EPSTI1: variants seen among roughly 807,000 people sequenced by gnomAD.
The protein encoded by EPSTI1 is epithelial stromal interaction 1.
Under a neutral mutation model 49.9 loss-of-function variants are expected in EPSTI1, and 66 were observed. That is an observed-to-expected ratio of 1.32 (90% CI 1.08 to 1.62). The LOEUF (loss-of-function observed/expected upper bound fraction) is 1.62, where lower values mean the gene tolerates loss of function less well. Ranked by LOEUF, EPSTI1 falls within the 40% of genes most tolerant of loss-of-function variation. EPSTI1 has a pLI of 0.00. For synonymous variants in EPSTI1, 137 were observed against 130.7 expected, an observed-to-expected ratio of 1.05 and a Z score of -0.33; for missense variants, 394 against 365.5, an observed-to-expected ratio of 1.08 and a Z score of -0.64.
chr13:42,971,309 T>C (rs1478668821), intron 1 of EPSTI1, among the ~76,000 whole-genome samples: 1 of 152,170 alleles, frequency 6.6e-6, no homozygotes, highest in Non-Finnish European at 1.5e-5. Context: ...TTGTGAGCTT[T>C]TGAGGGCAGA....
chr13:42,974,449 A>G (rs2153434171), intron 1 of EPSTI1, among the ~76,000 whole-genome samples: 1 of 152,260 alleles, frequency 6.6e-6, no homozygotes, highest in Admixed American at 6.5e-5. Flanking sequence ...CGAGGTCAGG[A>G]GATTGAGACC....
chr13:42,912,976 A>G (rs1210505250), intron 8 of EPSTI1, among the ~76,000 whole-genome samples: 1 of 152,126 alleles, frequency 6.6e-6, no homozygotes, highest in Non-Finnish European at 1.5e-5. Flanking sequence ...AATTAGGAAG[A>G]AAAAAGGAAA....
At position 42,895,092 on chromosome 13, in the gene EPSTI1, G is replaced by GA; in HGVS notation, c.831dup (p.Leu278SerfsTer24). On this transcript the variant is annotated frameshift_variant, in exon 10 of 11. Coordinates refer to ENST00000313624, the MANE Select transcript of EPSTI1 (RefSeq NM_033255.5). LOFTEE classifies it high-confidence loss of function. ...TGACTTTTGCCTTGGAGTCGGTCCA[G>GA]AAAAGCATTATTTACCCTTTAAAAC... 6.2e-7 allele frequency: 1 copy of GA among 1,612,826 alleles called. No individual in the cohort carries two copies. The highest frequency in any genetic ancestry group is 8.5e-7 in the Non-Finnish European group (1 of 1,179,388).
In EPSTI1 at chr13:42,992,094, G is replaced by C. The variant is rs1275531677; in HGVS notation, c.72C>G (p.Pro24=). 1 of 1,612,534 alleles carries C rather than the reference G, an allele frequency of 6.2e-7. No individual in the cohort carries two copies. ...CCCCTTGCCGCCCAGAAGGGTCCTG[G>C]GGATCCCGGGTCGGGCGGGAGGCAG... ...ASPASRPTRD[P]QDPSGRQGEL... is the part of the protein sequence containing the mutation. The change falls in exon 1 of 11, where the codon CCC becomes CCG. Residue 24 remains proline, a synonymous_variant. Coordinates refer to ENST00000313624, the MANE Select transcript of EPSTI1 (RefSeq NM_033255.5).
At chr13:42,938,485 T>C (rs1184541737) in intron 6 of EPSTI1, among the ~76,000 whole-genome samples, 2 of 152,114 alleles carry the variant, frequency 1.3e-5, no homozygotes, top group Non-Finnish European at 2.9e-5. Flanking sequence ...TGGCTTCAAC[T>C]TAAAGTCACC....
rs771486075 is a variant in EPSTI1 at position 42,970,633 on chromosome 13, G to A, written c.226C>T (p.Arg76Trp). The A allele has an allele frequency of 5.4e-5, 87 of 1,609,736 alleles. 2 individuals are homozygous for A. The South Asian group carries it at 6.9e-4, about 13-fold the overall frequency. The change falls in exon 2 of 11, where the codon CGG (arginine) becomes TGG (tryptophan). Residue 76 changes from arginine (R) to tryptophan (W), a missense_variant. Transcript: ENST00000313624. ...AYTLIAPNIN[R>W]RNEIQRIAEQ... ...ATACTTCTTTGTATCTCATTTCTCC[G>A]GTTTATATTTGGTGCTATCAAGGTG... is the stretch of plus-strand genomic sequence containing the variant.
At position 42,964,155 on chromosome 13, in the gene EPSTI1, T is replaced by G. The variant is rs201715995; in HGVS notation, c.332-16A>C. The G allele has an allele frequency of 6.2e-7, 1 of 1,603,652 alleles. No homozygotes were observed. The highest frequency in any genetic ancestry group is 1.4e-5 in the African/African-American group (1 of 73,868). On this transcript the variant is annotated splice_polypyrimidine_tract_variant and intron_variant, in intron 3 of 10. Coordinates refer to ENST00000313624, the MANE Select transcript of EPSTI1 (RefSeq NM_033255.5). ...TGGCTTCCACCTTAGGAAAAAAAAA[T>G]CCATGAAGGTGAAACATAAATATTA... is the stretch of plus-strand genomic sequence containing the variant.
chr13:42,902,320 T>A (rs1184454879), intron 8 of EPSTI1, among the ~76,000 whole-genome samples: 2 of 152,140 alleles, frequency 1.3e-5, no homozygotes, highest in African/African-American at 2.4e-5. Context: ...TCCTCCTGTT[T>A]TCAACTCTAG....
chr13:42,917,158 ACTTT>A (rs1409655971), intron 8 of EPSTI1, among the ~76,000 whole-genome samples: 3 of 152,116 alleles, frequency 2.0e-5, no homozygotes, highest in African/African-American at 7.2e-5. Context: ...TTGCATGCCT[ACTTT>A]CTTATGCATT....
Position 42,888,172 on chromosome 13 carries a change from T to C in EPSTI1, c.*322A>G, listed in dbSNP as rs2036916118. 13 of 1,517,164 alleles carry C rather than the reference T, an allele frequency of 8.6e-6. No homozygotes were observed. The South Asian group carries it at 1.4e-4, about 16-fold the overall frequency. The allele number at this position is 1,517,164 out of a possible 1,614,324, so 94.0% of individuals were successfully genotyped here. A position where few individuals can be genotyped will look rare whatever the true frequency, so the allele number is the denominator to read the frequency against. On this transcript the variant is annotated 3_prime_UTR_variant, in exon 11 of 11. Coordinates refer to ENST00000313624, the MANE Select transcript of EPSTI1 (RefSeq NM_033255.5). The stretch of plus-strand genomic sequence containing the variant: ...TAGAAAGACAAGCCTGTAGCACCCA[T>C]AGCTCTGATTAACCTGAAAGCATCA...
chr13:42,972,179 C>G (rs1469675334), intron 1 of EPSTI1, among the ~76,000 whole-genome samples: 1 of 152,178 alleles, frequency 6.6e-6, no homozygotes, highest in Non-Finnish European at 1.5e-5. Context: ...TCTTCAATGT[C>G]TGCTAACATT....
At chr13:42,989,767 G>T (rs1434605671) in intron 1 of EPSTI1, among the ~76,000 whole-genome samples, 3 of 151,112 alleles carry the variant, frequency 2.0e-5, no homozygotes, top group African/African-American at 7.3e-5. Flanking sequence ...CTAATTTTTT[G>T]TATTTTTAGT....
At chr13:42,930,346 C>T (rs977978183) in intron 6 of EPSTI1, among the ~76,000 whole-genome samples, 7 of 152,150 alleles carry the variant, frequency 4.6e-5, no homozygotes, top group East Asian at 1.9e-4. Context: ...GAGTCTCTGC[C>T]ATGTGTTTAG....
intron 1 of EPSTI1, among the ~76,000 whole-genome samples, chr13:42,988,424 T>C (rs2040122175): frequency 6.6e-6 from 1 of 152,136 alleles, no homozygotes; most frequent in Non-Finnish European, 1.5e-5. Flanking sequence ...ATAACTTAAA[T>C]CCAAATTCCA....
At position 42,917,638 on chromosome 13, in the gene EPSTI1, A is replaced by AATAC; in HGVS notation, c.658-15_658-14insGTAT. The stretch of plus-strand genomic sequence containing the variant: ...CCAGCTTCTGGCCTGTAAAGGTACA[A>AATAC]AGAGAAAAAAAAAAAAAAAAACAAC... On this transcript the variant is annotated splice_polypyrimidine_tract_variant and intron_variant, in intron 7 of 10. Coordinates refer to ENST00000313624, the MANE Select transcript of EPSTI1 (RefSeq NM_033255.5). The AATAC allele has an allele frequency of 2.0e-6, 2 of 990,226 alleles. No homozygotes were observed. The highest frequency in any genetic ancestry group is 2.9e-6 in the Non-Finnish European group (2 of 680,186). The allele number at this position is 990,226 out of a possible 1,614,324, so 61.3% of individuals were successfully genotyped here.
chr13:42,963,167 A>C (rs2153431168), intron 5 of EPSTI1, 88 bp downstream of exon 5: 1 of 1,085,938 alleles, frequency 9.2e-7, no homozygotes, highest in South Asian at 1.4e-5. Flanking sequence ...AAGATGGATA[A>C]ATTTTTAAAG....
chr13:42,984,735 A>G (rs556040671), intron 1 of EPSTI1, among the ~76,000 whole-genome samples: 2 of 152,374 alleles, frequency 1.3e-5, no homozygotes, highest in South Asian at 4.1e-4. Context: ...TTCTCCTTTT[A>G]TCTCCCTTGA....
intron 8 of EPSTI1, among the ~76,000 whole-genome samples, chr13:42,912,011 A>G (rs1421824707): frequency 1.3e-5 from 2 of 152,226 alleles, no homozygotes; most frequent in Non-Finnish European, 2.9e-5. Flanking sequence ...TCTGTCACCC[A>G]ATAGTTTATT....
rs1040893863 is a variant in EPSTI1, at chr13:42,955,568, G to A, written c.490-1547C>T. Among the ~76,000 whole-genome samples the A allele has an allele frequency of 4.6e-5, 7 of 152,146 alleles. No individual in the cohort carries two copies. In the South Asian group the frequency reaches 6.2e-4, roughly 14 times the overall value. ...TGTAATCCCAGATCTTTGGGAGGCCGAGGCGGGCGGATCATCTGAGGTCAG... is the reference window on the plus strand; with the variant it reads ...TGTAATCCCAGATCTTTGGGAGGCCAAGGCGGGCGGATCATCTGAGGTCAG... On this transcript the variant is annotated intron_variant, in intron 5 of 10. Transcript: ENST00000313624.
Sources: gnomAD v4.1 joint callset for allele counts (sites outside exome capture counted in the v4.1 genomes callset) on GRCh38, gnomAD v4.1.1 for gene constraint, MANE v1.5 for transcripts, NCBI Gene and HGNC (gene_info 2026-07-23, HGNC 2026-07-21) for gene names.